LPO: variants seen among roughly 807,000 people sequenced by gnomAD.
The protein encoded by LPO is lactoperoxidase, also known as salivary peroxidase.
Under a neutral mutation model 68.4 loss-of-function variants are expected in LPO, and 70 were observed. The observed-to-expected ratio is 1.02, with a 90% CI of 0.84 to 1.25. LPO has a LOEUF of 1.25. Among genes scored for constraint, LPO ranks in the 50% most tolerant of loss-of-function variants. The probability of loss-of-function intolerance (pLI) is 0.00; values close to 1 mark genes in which losing one functional copy is unlikely to be tolerated. For missense variants in LPO, 873 were observed against 908.4 expected (o/e 0.96, Z 0.50); for synonymous variants, 360 against 357.6 (o/e 1.01, Z -0.08).
rs8178388 is a variant in LPO, at chr17:58,262,449, G to A, written c.1267-2273G>A. Among the ~76,000 whole-genome samples the A allele has an allele frequency of 5.5e-3, 842 of 152,308 alleles. 6 individuals are homozygous for A. Among genetic ancestry groups the A allele is most frequent in the East Asian group, 0.029 (148 of 5,186 alleles). The stretch of plus-strand genomic sequence containing the variant: ...CTGTTGCCCAGGCTGGAGTGCAGTG[G>A]CAACATCTCGACTCACGGCAACCTC... On this transcript the variant is annotated intron_variant, in intron 9 of 12. Coordinates refer to ENST00000262290, the MANE Select transcript of LPO (RefSeq NM_006151.3).
At chr17:58,239,395 A>G (rs1190255593) in intron 1 of LPO, among the ~76,000 whole-genome samples, 1 of 151,556 alleles carries the variant, frequency 6.6e-6, no homozygotes, top group East Asian at 1.9e-4. Context: ...GGGTGGTTAA[A>G]TTATATTTGT....
At chr17:58,243,109 C>T in intron 2 of LPO, 54 bp downstream of exon 2, 1 of 1,526,256 alleles carries the variant, frequency 6.6e-7, no homozygotes, top group South Asian at 1.1e-5. Flanking sequence ...AGCACACCAA[C>T]TGGATGGCCT....
intron 1 of LPO, among the ~76,000 whole-genome samples, chr17:58,241,125 C>CTTTTTTTTTTTTT (rs1161572564): frequency 7.0e-4 from 64 of 91,266 alleles, no homozygotes; most frequent in African/African-American, 9.2e-4. Context: ...TTTCTTTTTT[C>CTTTTTTTTTTTTT]TTTTTTTTTT....
chr17:58,249,932 G>C (rs1375275993), intron 6 of LPO, among the ~76,000 whole-genome samples: 5 of 152,326 alleles, frequency 3.3e-5, no homozygotes, highest in African/African-American at 1.2e-4. Context: ...CTCCCGGGCA[G>C]ATGGCCTCCC....
intron 1 of LPO, among the ~76,000 whole-genome samples, chr17:58,240,600 T>C (rs527802358): frequency 6.6e-6 from 1 of 152,274 alleles, no homozygotes; most frequent in Admixed American, 6.5e-5. Context: ...GCCCAAGACA[T>C]GGGAAAATAA....
rs1970168123 is a variant in LPO at position 58,261,153 on chromosome 17, C to T, written c.1267-3569C>T. On this transcript the variant is annotated intron_variant, in intron 9 of 12. Coordinates refer to ENST00000262290, the MANE Select transcript of LPO (RefSeq NM_006151.3). ...CAGTTGGATCTGTTGGTTGATGGTG[C>T]TATTCAGTCTGTACTCCAGCTAATT... Among the ~76,000 whole-genome samples the T allele has an allele frequency of 1.3e-5, 2 of 152,190 alleles. 1 individual carries two copies.
rs1204424023 is a variant in LPO, at chr17:58,267,838, A to T, written c.1983A>T (p.Leu661=). The T allele has an allele frequency of 1.9e-6, 3 of 1,614,110 alleles. No individual in the cohort carries two copies. In the East Asian group the frequency reaches 6.7e-5, roughly 36 times the overall value. Residue 661 remains leucine (L), a synonymous_variant, in exon 13 of 13, where the codon CTA becomes CTT. Coordinates refer to ENST00000262290, the MANE Select transcript of LPO (RefSeq NM_006151.3). The stretch of plus-strand genomic sequence containing the variant: ...TCACGAACGAGCAGAAGGACTCTCT[A>T]CAGAAAATGTCCTTCTCACGCCTTG... ...GVFTNEQKDS[L]QKMSFSRLVC...
intron 8 of LPO, among the ~76,000 whole-genome samples, 181 bp downstream of exon 8, chr17:58,252,687 A>T (rs1043121694): frequency 1.3e-5 from 2 of 152,252 alleles, no homozygotes; most frequent in Non-Finnish European, 2.9e-5. Context: ...ACATATGTTC[A>T]CTGTAAAACA....
At position 58,238,755 on chromosome 17, in the gene LPO, T is replaced by C. The variant is rs1036455890; in HGVS notation, c.-3+16T>C. Reference sequence around the variant, plus strand: ...CACTGGGCAGGTAAGACTCGTCAACTTTCATCTTTCCTGGTTTCTGCAAAG... The same window carrying C: ...CACTGGGCAGGTAAGACTCGTCAACCTTCATCTTTCCTGGTTTCTGCAAAG... On this transcript the variant is annotated intron_variant, in intron 1 of 12. Transcript: ENST00000262290. 6.6e-6 allele frequency: 1 copy of C among 152,176 alleles called. No individual in the cohort carries two copies. Among genetic ancestry groups the C allele is most frequent in the Non-Finnish European group, 1.5e-5 (1 of 68,032 alleles). 9.4% of individuals were successfully genotyped at this position (152,176 alleles called of 1,614,324 possible). A position where few individuals can be genotyped will look rare whatever the true frequency, so the allele number is the denominator to read the frequency against.
At position 58,247,614 on chromosome 17, in the gene LPO, A is replaced by T; in HGVS notation, c.301A>T (p.Lys101Ter). The change falls in exon 4 of 13, where the codon AAG becomes TAG. Residue 101 changes from lysine to a stop codon, truncating the protein, a stop_gained. Coordinates refer to ENST00000262290, the MANE Select transcript of LPO (RefSeq NM_006151.3). LOFTEE classifies it high-confidence loss of function. ...WEESLKRLRQKASLTNVTDPS... is the reference protein window; with the variant it reads ...WEESLKRLRQ ...GGAGTCTTTAAAGAGACTGAGGCAG[A>T]AGGCATCCTTGACCAATGTCACAGG... The T allele has an allele frequency of 6.2e-7, 1 of 1,614,034 alleles. No individual in the cohort carries two copies. The highest frequency in any genetic ancestry group is 8.5e-7 in the Non-Finnish European group (1 of 1,179,958).
chr17:58,260,577 A>G (rs1970157724), intron 9 of LPO, among the ~76,000 whole-genome samples: 1 of 152,184 alleles, frequency 6.6e-6, no homozygotes, highest in South Asian at 2.1e-4. Flanking sequence ...TCCTAGTGTA[A>G]TGAGAGTTTT....
chr17:58,267,043 C>T (rs1020407938), intron 11 of LPO, among the ~76,000 whole-genome samples: 1 of 152,228 alleles, frequency 6.6e-6, no homozygotes, highest in Non-Finnish European at 1.5e-5. Flanking sequence ...AGTTATAAGA[C>T]TTTGGGCAAA....
chr17:58,241,788 T>C (rs998730375), intron 1 of LPO, among the ~76,000 whole-genome samples: 1 of 152,030 alleles, frequency 6.6e-6, no homozygotes, highest in Admixed American at 6.5e-5. Flanking sequence ...GAGGGAAAAA[T>C]TGGAGGCAGG....
At chr17:58,248,373 G>C (rs1359698751) in intron 4 of LPO, among the ~76,000 whole-genome samples, 1 of 152,212 alleles carries the variant, frequency 6.6e-6, no homozygotes, top group Non-Finnish European at 1.5e-5. Context: ...AAGGTTCGGA[G>C]AGCTGAAATC....
At position 58,244,123 on chromosome 17, in the gene LPO, ACACACAC is replaced by A. The variant is rs1269522332; in HGVS notation, c.164+43_164+49del. 5 of 1,330,932 alleles carry A rather than the reference ACACACAC, an allele frequency of 3.8e-6. No homozygotes were observed. In the South Asian group the frequency reaches 6.3e-5, roughly 17 times the overall value. 82.4% of individuals were successfully genotyped at this position (1,330,932 alleles called of 1,614,324 possible). A position where few individuals can be genotyped will look rare whatever the true frequency, so the allele number is the denominator to read the frequency against. On this transcript the variant is annotated intron_variant, in intron 3 of 12. Transcript: ENST00000262290. ...CACACACACACACACACACACACAC[ACACACAC>A]ACTTCCCTTCACAGGCTTCCTGTTC...
In LPO at chr17:58,238,748, C is replaced by T. The variant is rs576815870; in HGVS notation, c.-3+9C>T. ...GACAAGGCACTGGGCAGGTAAGACT[C>T]GTCAACTTTCATCTTTCCTGGTTTC... is the stretch of plus-strand genomic sequence containing the variant. On this transcript the variant is annotated intron_variant, in intron 1 of 12. Coordinates refer to ENST00000262290, the MANE Select transcript of LPO (RefSeq NM_006151.3). 7 of 152,232 alleles carry T rather than the reference C, an allele frequency of 4.6e-5. No homozygotes were observed. Among genetic ancestry groups the T allele is most frequent in the Admixed American group, 4.6e-4 (7 of 15,288 alleles). The allele number at this position is 152,232 out of a possible 1,614,324, so 9.4% of individuals were successfully genotyped here. A position where few individuals can be genotyped will look rare whatever the true frequency, so the allele number is the denominator to read the frequency against.
chr17:58,257,124 G>A (rs1183013854), intron 9 of LPO, among the ~76,000 whole-genome samples: 2 of 149,900 alleles, frequency 1.3e-5, no homozygotes, highest in Non-Finnish European at 3.0e-5. Flanking sequence ...AGTAGAGATA[G>A]GGTTTCACCG....
intron 4 of LPO, among the ~76,000 whole-genome samples, chr17:58,248,438 T>G (rs1385557155): frequency 6.6e-6 from 1 of 151,490 alleles, no homozygotes; most frequent in African/African-American, 2.4e-5. Flanking sequence ...CCAGATTCCC[T>G]CACCTCCCTG....
intron 1 of LPO, among the ~76,000 whole-genome samples, chr17:58,241,128 T>TTC (rs1376977778): frequency 4.2e-5 from 5 of 119,578 alleles, no homozygotes; most frequent in African/African-American, 1.9e-4. Flanking sequence ...CTTTTTTCTT[T>TTC]TTTTTTTTTT....
Sources: gnomAD v4.1 joint callset for allele counts (sites outside exome capture counted in the v4.1 genomes callset) on GRCh38, gnomAD v4.1.1 for gene constraint, MANE v1.5 for transcripts, NCBI Gene and HGNC (gene_info 2026-07-23, HGNC 2026-07-21) for gene names.